The following SLC6A5 variants were observed in gnomAD, a reference collection of about 807,000 sequenced individuals.
SLC6A5 encodes solute carrier family 6 member 5, also known as sodium- and chloride-dependent glycine transporter 2.
SLC6A5 carries 58 observed loss-of-function variants against 90.5 expected under a neutral mutation model. That is an observed-to-expected ratio of 0.64 (90% CI 0.52 to 0.80). The LOEUF is 0.80. SLC6A5 is among the 30% of genes least tolerant of loss of function. The probability of loss-of-function intolerance (pLI) is 0.00; values close to 1 mark genes in which losing one functional copy is unlikely to be tolerated. For missense variants in SLC6A5, 1,015 were observed against 1,017.6 expected, an observed-to-expected ratio of 1.00 and a Z score of 0.03; for synonymous variants, 427 against 401.4, an observed-to-expected ratio of 1.06 and a Z score of -0.76.
Position 20,656,018 on chromosome 11 carries a change from C to T in SLC6A5, c.*1150C>T, listed in dbSNP as rs558988890. 3.9e-5 allele frequency: 6 copies of T among 152,202 alleles called. No homozygotes were observed. The highest frequency in any genetic ancestry group is 4.1e-4 in the South Asian group (2 of 4,824). 9.4% of individuals were successfully genotyped at this position (152,202 alleles called of 1,614,324 possible). ...TGATAAATACAGCTTAGGTAAGTAG[C>T]GAGTGAGCCAATTAAGACTATAGCT... On this transcript the variant is annotated 3_prime_UTR_variant, in exon 16 of 16. Transcript: ENST00000525748.
At chr11:20,648,960 C>T (rs1853473902) in intron 14 of SLC6A5, among the ~76,000 whole-genome samples, 1 of 152,090 alleles carries the variant, frequency 6.6e-6, no homozygotes, top group Non-Finnish European at 1.5e-5. Context: ...GAACTTGCCC[C>T]AGGCCACTAG....
chr11:20,635,408 C>CT (rs397765049), intron 10 of SLC6A5, among the ~76,000 whole-genome samples: 1 of 152,044 alleles, frequency 6.6e-6, no homozygotes, highest in African/African-American at 2.4e-5. Context: ...GCCGCCCCCC[C>CT]GCAACCCGAC....
rs758803108 is a variant in SLC6A5 at position 20,601,229 on chromosome 11, G to GC, written c.107dup (p.Glu37GlyfsTer37). 2 of 1,582,590 alleles carry GC rather than the reference G, an allele frequency of 1.3e-6. No individual in the cohort carries two copies. The highest frequency in any genetic ancestry group is 1.7e-6 in the Non-Finnish European group (2 of 1,172,080). Reference sequence around the variant, plus strand: ...GATGGCCCATGCGCTCCCAGGACGAGCCCGGAGCAGGAGCTTCCCGCGGCT... The same window carrying GC: ...GATGGCCCATGCGCTCCCAGGACGAGCCCCGGAGCAGGAGCTTCCCGCGGCT... On this transcript the variant is annotated frameshift_variant, in exon 2 of 16. Transcript: ENST00000525748. LOFTEE classifies it high-confidence loss of function.
chr11:20,607,099 G>A lies in SLC6A5; in HGVS notation c.772G>A (p.Gly258Arg), dbSNP rs1380441784. 2 of 1,614,066 alleles carry A rather than the reference G, an allele frequency of 1.2e-6. No individual in the cohort carries two copies. The highest frequency in any genetic ancestry group is 1.7e-6 in the Non-Finnish European group (2 of 1,180,026). The change falls in exon 4 of 16, where the codon GGA (glycine) becomes AGA (arginine). Residue 258 changes from glycine (G) to arginine (R), a missense_variant. Physicochemically the swap from Gly to Arg is moderately radical, Grantham distance 125. Around this residue, in one of 3 missense-constraint regions of SLC6A5, gnomAD observed 567 missense variants for 507.3 expected, o/e 1.12. Coordinates refer to ENST00000525748, the MANE Select transcript of SLC6A5 (RefSeq NM_004211.5). The stretch of plus-strand genomic sequence containing the variant: ...GTCGCTGGGCCAGTTTGCCAGCCAG[G>A]GACCAGTGTCTGTGTGGAAGGCCAT... Reference protein sequence around the residue: ...EVSLGQFASQGPVSVWKAIPA... With the variant: ...EVSLGQFASQRPVSVWKAIPA...
chr11:20,609,971 G>A (rs1487549271), intron 5 of SLC6A5, among the ~76,000 whole-genome samples: 1 of 152,198 alleles, frequency 6.6e-6, no homozygotes, highest in Non-Finnish European at 1.5e-5. Context: ...TGTCAAGTGA[G>A]ACCAGCGGCT....
At chr11:20,645,214 A>G (rs1353831758) in intron 13 of SLC6A5, among the ~76,000 whole-genome samples, 5 of 152,082 alleles carry the variant, frequency 3.3e-5, no homozygotes, top group Non-Finnish European at 7.4e-5. Flanking sequence ...ATCTTCTCAC[A>G]TCACATCCAT....
At chr11:20,651,034 A>G (rs1055255011) in intron 14 of SLC6A5, among the ~76,000 whole-genome samples, 1 of 152,010 alleles carries the variant, frequency 6.6e-6, no homozygotes, top group Non-Finnish European at 1.5e-5. Context: ...ATAGCTTATT[A>G]TAGGACCAAG....
intron 13 of SLC6A5, 27 bp from the exon 14 acceptor site, chr11:20,646,807 A>G (rs759049457): frequency 6.6e-7 from 1 of 1,511,350 alleles, no homozygotes; most frequent in Admixed American, 1.7e-5. Flanking sequence ...TGTGCCTTAT[A>G]CCTGTTCTCT....
chr11:20,631,179 A>G (rs147561085), intron 10 of SLC6A5, among the ~76,000 whole-genome samples: 1 of 152,342 alleles, frequency 6.6e-6, no homozygotes, highest in East Asian at 1.9e-4. Flanking sequence ...ATGTGGGCAC[A>G]GGCTGCTGTA....
intron 9 of SLC6A5, among the ~76,000 whole-genome samples, chr11:20,629,887 T>G (rs576230838): frequency 1.0e-3 from 156 of 152,080 alleles, no homozygotes; most frequent in African/African-American, 3.1e-3. Context: ...TAATTTTTTT[T>G]TTTGTGTGTG....
Position 20,604,401 on chromosome 11 carries a change from A to G in SLC6A5, c.656A>G (p.Tyr219Cys), listed in dbSNP as rs765804820. 4.3e-6 allele frequency: 7 copies of G among 1,613,610 alleles called. No homozygotes were observed. Among genetic ancestry groups the G allele is most frequent in the Non-Finnish European group, 5.9e-6 (7 of 1,179,854 alleles). Residue 219 changes from tyrosine to cysteine, a missense_variant, in exon 3 of 16, where the codon TAC (tyrosine) becomes TGC (cysteine). Tyr to Cys is a radical substitution (Grantham distance 194, BLOSUM62 -2). Coordinates refer to ENST00000525748, the MANE Select transcript of SLC6A5 (RefSeq NM_004211.5). Reference protein sequence around the residue: ...VGLGNVWRFPYLAFQNGGGAF... With the variant: ...VGLGNVWRFPCLAFQNGGGAF... ...CTGGGCAATGTCTGGAGGTTTCCCT[A>G]CCTGGCCTTCCAGAACGGGGGAGGT...
chr11:20,606,003 A>C (rs936766769), intron 3 of SLC6A5, among the ~76,000 whole-genome samples: 1 of 152,214 alleles, frequency 6.6e-6, no homozygotes, highest in Non-Finnish European at 1.5e-5. Flanking sequence ...TGAAGAGTAG[A>C]CTGGAGAAAG....
At chr11:20,616,678 T>C (rs964170526) in intron 6 of SLC6A5, among the ~76,000 whole-genome samples, 1 of 152,230 alleles carries the variant, frequency 6.6e-6, no homozygotes, top group African/African-American at 2.4e-5. Flanking sequence ...GCCTTGGTCT[T>C]CCCTAGTCAA....
intron 3 of SLC6A5, among the ~76,000 whole-genome samples, chr11:20,606,394 G>A (rs1347310846): frequency 6.6e-6 from 1 of 152,222 alleles, no homozygotes; most frequent in Non-Finnish European, 1.5e-5. Flanking sequence ...AAGCATTTGA[G>A]TTGACCTTGA....
chr11:20,624,964 C>T (rs1852964508), intron 7 of SLC6A5, among the ~76,000 whole-genome samples: 1 of 152,200 alleles, frequency 6.6e-6, no homozygotes, highest in African/African-American at 2.4e-5. Flanking sequence ...ATTGTTGCCA[C>T]TTTGCAGGTG....
rs1489177293 is a variant in SLC6A5 at position 20,657,568 on chromosome 11, GAAAAAA to G, written c.*2702_*2707del. ...TACAGTCAATTGGAAGAAAAAAAAT[GAAAAAA>G]ATAAAATGAATAACATTGTTAGAAA... On this transcript the variant is annotated 3_prime_UTR_variant, in exon 16 of 16. Coordinates refer to ENST00000525748, the MANE Select transcript of SLC6A5 (RefSeq NM_004211.5). 3.9e-5 allele frequency: 6 copies of G among 152,226 alleles called. No individual in the cohort carries two copies. Among genetic ancestry groups the G allele is most frequent in the Non-Finnish European group, 5.9e-5 (4 of 67,998 alleles). The allele number at this position is 152,226 out of a possible 1,614,324, so 9.4% of individuals were successfully genotyped here. A position where few individuals can be genotyped will look rare whatever the true frequency, so the allele number is the denominator to read the frequency against.
chr11:20,647,985 T>C (rs1853453242), intron 14 of SLC6A5, among the ~76,000 whole-genome samples: 1 of 152,216 alleles, frequency 6.6e-6, no homozygotes, highest in African/African-American at 2.4e-5. Flanking sequence ...AAATCTGCAG[T>C]TCAGGGTCTT....
chr11:20,647,247 A>T (rs1268297886), intron 14 of SLC6A5, among the ~76,000 whole-genome samples: 1 of 135,558 alleles, frequency 7.4e-6, no homozygotes, highest in Non-Finnish European at 1.6e-5. Flanking sequence ...ATTTATATAT[A>T]TATCAGTTCC....
chr11:20,637,826 C>T (rs1853239053), intron 12 of SLC6A5, among the ~76,000 whole-genome samples: 1 of 152,190 alleles, frequency 6.6e-6, no homozygotes, highest in Non-Finnish European at 1.5e-5. Context: ...TATGAGTCAA[C>T]AGCCACTGCA....
Sources: allele counts gnomAD v4.1 joint callset (sites outside exome capture counted in the v4.1 genomes callset), GRCh38; gene constraint gnomAD v4.1.1; regional missense constraint gnomAD v4.1.1; transcripts MANE v1.5; gene names NCBI Gene and HGNC (gene_info 2026-07-23, HGNC 2026-07-21).